The following DSCAM variants were observed in gnomAD, a reference collection of about 807,000 sequenced individuals.
DSCAM encodes the protein cell adhesion molecule DSCAM.
DSCAM carries 47 observed loss-of-function variants against 217.7 expected under a neutral mutation model. The observed-to-expected ratio is 0.22, with a 90% CI of 0.17 to 0.28. The LOEUF (loss-of-function observed/expected upper bound fraction) is 0.28, where lower values mean the gene tolerates loss of function less well. Among genes scored for constraint, DSCAM ranks in the 10% least tolerant of loss-of-function variants. The pLI is 1.00. For missense variants in DSCAM, 2,080 were observed against 2,618.3 expected, an observed-to-expected ratio of 0.79 and a Z score of 4.49; for synonymous variants, 1,056 against 1,015.3, an observed-to-expected ratio of 1.04 and a Z score of -0.76.
Position 40,566,703 on chromosome 21 carries a change from C to T in DSCAM, c.508+126107G>A, listed in dbSNP as rs115520460. On this transcript the variant is annotated intron_variant, in intron 3 of 32. Coordinates refer to ENST00000400454, the MANE Select transcript of DSCAM (RefSeq NM_001389.5). ...CATTCAGTGGGCTGATGCCACATTT[C>T]TTTGAAAAAAAGTCTGCTAGGAAGA... Among the ~76,000 whole-genome samples, 963 of 152,170 alleles carry T rather than the reference C, an allele frequency of 6.3e-3. 19 individuals carry two copies. Among genetic ancestry groups the T allele is most frequent in the African/African-American group, 0.022 (918 of 41,536 alleles).
chr21:40,382,796 T>C (rs955677135), intron 3 of DSCAM, among the ~76,000 whole-genome samples: 2 of 152,194 alleles, frequency 1.3e-5, no homozygotes, highest in African/African-American at 2.4e-5. Flanking sequence ...TCCCCAGATC[T>C]AGCTTATCAC....
intron 3 of DSCAM, among the ~76,000 whole-genome samples, chr21:40,686,370 TACACACACATACAA>T: frequency 6.8e-6 from 1 of 148,122 alleles, no homozygotes; most frequent in African/African-American, 2.5e-5. Flanking sequence ...CCACACACAC[TACACACACATACAA>T]ACACACATCA....
intron 2 of DSCAM, among the ~76,000 whole-genome samples, chr21:40,707,350 T>C (rs1490726644): frequency 6.6e-6 from 1 of 152,238 alleles, no homozygotes; most frequent in Non-Finnish European, 1.5e-5. Flanking sequence ...TCATATATCT[T>C]GATTAAAGAC....
intron 3 of DSCAM, among the ~76,000 whole-genome samples, chr21:40,545,280 C>T (rs1182580252): frequency 1.3e-5 from 2 of 152,162 alleles, no homozygotes; most frequent in African/African-American, 4.8e-5. Context: ...GTTGTTTAAG[C>T]CACCCAGACG....
intron 3 of DSCAM, among the ~76,000 whole-genome samples, chr21:40,518,082 G>A (rs1004585940): frequency 2.6e-5 from 4 of 151,630 alleles, no homozygotes; most frequent in African/African-American, 9.7e-5. Context: ...AGGGGACCAA[G>A]GAGGGCACAT....
intron 32 of DSCAM, among the ~76,000 whole-genome samples, chr21:40,032,890 A>C (rs1168707434): frequency 6.6e-6 from 1 of 152,218 alleles, no homozygotes; most frequent in Non-Finnish European, 1.5e-5. Context: ...TTGAAGCCCC[A>C]AAAACTGTGA....
At chr21:40,081,325 T>C (rs2089452931) in intron 24 of DSCAM, among the ~76,000 whole-genome samples, 1 of 40,764 alleles carries the variant, frequency 2.5e-5, no homozygotes, top group African/African-American at 2.1e-4. Flanking sequence ...AATAAAGCAT[T>C]TTTTTTCCCT....
At chr21:40,035,227 A>G (rs1235173485) in intron 32 of DSCAM, among the ~76,000 whole-genome samples, 1 of 116,466 alleles carries the variant, frequency 8.6e-6, no homozygotes, top group African/African-American at 3.6e-5. Flanking sequence ...GGCAAATTGG[A>G]TAAAGAGTCA....
At chr21:40,162,939 C>A (rs1174120394) in intron 16 of DSCAM, among the ~76,000 whole-genome samples, 1 of 152,048 alleles carries the variant, frequency 6.6e-6, no homozygotes, top group Admixed American at 6.6e-5. Context: ...AATAAAACAA[C>A]AACACAAATT....
intron 1 of DSCAM, among the ~76,000 whole-genome samples, chr21:40,761,780 C>T (rs2091337993): frequency 6.6e-6 from 1 of 152,202 alleles, no homozygotes; most frequent in South Asian, 2.1e-4. Context: ...TAGTTCATTA[C>T]TAGAGAAGTT....
At chr21:40,345,188 C>A (rs1396392686) in intron 6 of DSCAM, among the ~76,000 whole-genome samples, 3 of 152,126 alleles carry the variant, frequency 2.0e-5, no homozygotes, top group African/African-American at 7.2e-5. Context: ...TTTTAAATAG[C>A]ATCTGTAAAG....
intron 8 of DSCAM, among the ~76,000 whole-genome samples, chr21:40,333,996 T>C (rs995912706): frequency 5.3e-5 from 8 of 152,158 alleles, no homozygotes; most frequent in Non-Finnish European, 1.0e-4. Flanking sequence ...TAAAAATAGG[T>C]AAACTTACAT....
Position 40,342,643 on chromosome 21 carries a change from TATA to T in DSCAM, c.1211-3231_1211-3229del, listed in dbSNP as rs1442462153. 2.6e-4 allele frequency among the ~76,000 whole-genome samples: 27 copies of T among 105,546 alleles called. 1 individual carries two copies. The highest frequency in any genetic ancestry group is 8.3e-4 in the African/African-American group (22 of 26,470). The allele number at this position is 105,546 out of a possible 152,430, so 69.2% of individuals were successfully genotyped here. A position where few individuals can be genotyped will look rare whatever the true frequency, so the allele number is the denominator to read the frequency against. Reference sequence around the variant, plus strand: ...GTGTGTGTGTATATATATATATATATATATATTTTTTTTTTTTTTTTGAGACAG... The same window carrying T: ...GTGTGTGTGTATATATATATATATATTATTTTTTTTTTTTTTTTGAGACAG... On this transcript the variant is annotated intron_variant, in intron 6 of 32. Coordinates refer to ENST00000400454, the MANE Select transcript of DSCAM (RefSeq NM_001389.5).
rs372425346 is a variant in DSCAM at position 40,147,674 on chromosome 21, CTAAAG to C, written c.3019-2948_3019-2944del. The stretch of plus-strand genomic sequence containing the variant: ...TTTTGATGCATTTCAGTCTATTTAT[CTAAAG>C]TAAAGTGTTTTGCCCCACATAGCTG... On this transcript the variant is annotated intron_variant, in intron 16 of 32. Transcript: ENST00000400454. 3.0e-3 allele frequency among the ~76,000 whole-genome samples: 456 copies of C among 152,260 alleles called. 2 individuals are homozygous for C. The highest frequency in any genetic ancestry group is 0.01 in the African/African-American group (425 of 41,556).
At chr21:40,157,426 A>T (rs2090490101) in intron 16 of DSCAM, among the ~76,000 whole-genome samples, 1 of 152,216 alleles carries the variant, frequency 6.6e-6, no homozygotes, top group African/African-American at 2.4e-5. Flanking sequence ...AGAAAGGTTG[A>T]CAGGAGAGGC....
At chr21:40,734,237 C>A (rs2091040873) in intron 1 of DSCAM, among the ~76,000 whole-genome samples, 2 of 152,212 alleles carry the variant, frequency 1.3e-5, no homozygotes, top group South Asian at 4.1e-4. Flanking sequence ...TCACCTGAAG[C>A]TTTCCACTTT....
At chr21:40,074,416 C>T (rs574272545) in intron 27 of DSCAM, among the ~76,000 whole-genome samples, 1 of 152,314 alleles carries the variant, frequency 6.6e-6, no homozygotes, top group African/African-American at 2.4e-5. Context: ...AGTAAGGGCT[C>T]TTGGCCAGAA....
At chr21:40,502,505 T>C (rs1466925188) in intron 3 of DSCAM, among the ~76,000 whole-genome samples, 5 of 152,216 alleles carry the variant, frequency 3.3e-5, no homozygotes, top group African/African-American at 4.8e-5. Context: ...CCGTCTTCTT[T>C]CTACAGGCTC....
intron 3 of DSCAM, among the ~76,000 whole-genome samples, chr21:40,675,097 G>A (rs184566327): frequency 3.8e-4 from 58 of 152,242 alleles, no homozygotes; most frequent in African/African-American, 1.1e-3. Flanking sequence ...TGCTTCTGCT[G>A]TGGGGCTGGC....
Sources: gnomAD v4.1 joint callset for allele counts (sites outside exome capture counted in the v4.1 genomes callset) on GRCh38, gnomAD v4.1.1 for gene constraint, MANE v1.5 for transcripts, NCBI Gene and HGNC (gene_info 2026-07-23, HGNC 2026-07-21) for gene names.